Variants in NDRG1 observed in about 807,000 individuals in gnomAD.
The protein encoded by NDRG1 is N-myc downstream regulated 1, also known as protein NDRG1.
A neutral mutation model predicts 56.9 loss-of-function variants in NDRG1; 32 were observed. The observed-to-expected ratio is 0.56, with a 90% CI of 0.42 to 0.76. NDRG1 has a LOEUF of 0.76. Among genes scored for constraint, NDRG1 ranks in the 30% least tolerant of loss-of-function variants. The pLI is 0.00. For synonymous variants in NDRG1, 211 were observed against 204.1 expected (o/e 1.03, Z -0.29); for missense variants, 507 against 545.7 (o/e 0.93, Z 0.71).
intron 13 of NDRG1, among the ~76,000 whole-genome samples, chr8:133,245,122 T>C (rs1855599956): frequency 6.6e-6 from 1 of 152,164 alleles, no homozygotes; most frequent in Non-Finnish European, 1.5e-5. Flanking sequence ...GACACTGACC[T>C]GGGGCAGCCC....
intron 3 of NDRG1, among the ~76,000 whole-genome samples, chr8:133,265,479 T>C (rs1478280279): frequency 1.3e-5 from 2 of 152,182 alleles, no homozygotes; most frequent in Non-Finnish European, 2.9e-5. Context: ...TCCAATCCCA[T>C]GTAAGCCATG....
intron 10 of NDRG1, chr8:133,249,622 C>G (rs763118596): frequency 1.3e-5 from 2 of 153,174 alleles, no homozygotes; most frequent in African/African-American, 2.4e-5. Flanking sequence ...AGCGCCCAGC[C>G]GAATGCCTGA....
In NDRG1 at chr8:133,296,891, G is replaced by A. The variant is rs10108354; in HGVS notation, c.-19+243C>T. On this transcript the variant is annotated intron_variant, in intron 1 of 15. Coordinates refer to ENST00000323851, the MANE Select transcript of NDRG1 (RefSeq NM_006096.4). ...AGAACCCCAATCCCCAGCTAGGGGG[G>A]AGATGAATGGGACCCTGTCTTTTTT... The A allele has an allele frequency of 0.098, 20,689 of 212,098 alleles. 1,336 individuals are homozygous for A. The highest frequency in any genetic ancestry group is 0.17 in the African/African-American group (7,488 of 42,836). The allele number at this position is 212,098 out of a possible 1,614,324, so 13.1% of individuals were successfully genotyped here.
chr8:133,273,379 C>T (rs1477163068), intron 3 of NDRG1, among the ~76,000 whole-genome samples: 1 of 152,186 alleles, frequency 6.6e-6, no homozygotes, highest in Non-Finnish European at 1.5e-5. Context: ...TGGCTCCAGA[C>T]GTGTGGATTG....
rs193015656 is a variant in NDRG1, at chr8:133,269,209, C to A, written c.100-4557G>T. Among the ~76,000 whole-genome samples, 541 of 152,244 alleles carry A rather than the reference C, an allele frequency of 3.6e-3. 11 individuals are homozygous for A. Among genetic ancestry groups the A allele is most frequent in the Admixed American group, 0.034 (513 of 15,290 alleles). On this transcript the variant is annotated intron_variant, in intron 3 of 15. Coordinates refer to ENST00000323851, the MANE Select transcript of NDRG1 (RefSeq NM_006096.4). Reference sequence around the variant, plus strand: ...CTGTCTCGAAGCTCATGAGGGACCCCCCAACTTCTGGCTGGGACAAGGCTG... The same window carrying A: ...CTGTCTCGAAGCTCATGAGGGACCCACCAACTTCTGGCTGGGACAAGGCTG...
chr8:133,256,632 G>A, intron 8 of NDRG1, 145 bp downstream of exon 8: 1 of 750,562 alleles, frequency 1.3e-6, no homozygotes, highest in Non-Finnish European at 2.3e-6. Flanking sequence ...AAGTAAAGCA[G>A]AGGGAACTGG....
At chr8:133,295,524 C>T (rs916653725) in intron 1 of NDRG1, among the ~76,000 whole-genome samples, 8 of 152,234 alleles carry the variant, frequency 5.3e-5, no homozygotes, top group African/African-American at 1.7e-4. Context: ...CGTCTCCAGC[C>T]GTGTGTCTTC....
In NDRG1 at chr8:133,244,634, A is replaced by G. The variant is rs55949956; in HGVS notation, c.856-244T>C. 64,179 of 601,180 alleles carry G rather than the reference A, an allele frequency of 0.11. 3,914 individuals carry two copies. Among genetic ancestry groups the G allele is most frequent in the Middle Eastern group, 0.15 (337 of 2,242 alleles). 37.2% of individuals were successfully genotyped at this position (601,180 alleles called of 1,614,324 possible). On this transcript the variant is annotated intron_variant, in intron 13 of 15. Transcript: ENST00000323851. ...CGTGCCAGGCACTATGCTAGGCCCT[A>G]CAGATAATTTCACTCCATTCCCCAA...
intron 3 of NDRG1, among the ~76,000 whole-genome samples, chr8:133,272,724 C>T (rs967590522): frequency 6.6e-6 from 1 of 152,082 alleles, no homozygotes; most frequent in Admixed American, 6.5e-5. Context: ...TCCAGATGAG[C>T]GTTCCTGCCA....
At chr8:133,296,063 T>C (rs1401611197) in intron 1 of NDRG1, among the ~76,000 whole-genome samples, 1 of 152,002 alleles carries the variant, frequency 6.6e-6, no homozygotes, top group Non-Finnish European at 1.5e-5. Context: ...AAATCCCAGC[T>C]CCAGCTACTA....
At chr8:133,263,714 G>A (rs1363168527) in intron 4 of NDRG1, among the ~76,000 whole-genome samples, 1 of 152,064 alleles carries the variant, frequency 6.6e-6, no homozygotes, top group Non-Finnish European at 1.5e-5. Context: ...TCAGGAGTTC[G>A]AGGTCAGCCT....
chr8:133,292,006 A>G (rs1858456683), intron 1 of NDRG1, among the ~76,000 whole-genome samples: 1 of 152,018 alleles, frequency 6.6e-6, no homozygotes, highest in Non-Finnish European at 1.5e-5. Context: ...TCTGCAATAC[A>G]ACCGAGATCT....
intron 3 of NDRG1, among the ~76,000 whole-genome samples, chr8:133,279,551 C>T (rs1380691037): frequency 1.3e-5 from 2 of 152,238 alleles, no homozygotes; most frequent in Non-Finnish European, 2.9e-5. Context: ...CTCTGGCTCT[C>T]TGGCTGGTCC....
intron 1 of NDRG1, among the ~76,000 whole-genome samples, chr8:133,291,833 A>G (rs1858446780): frequency 6.6e-6 from 1 of 152,310 alleles, no homozygotes; most frequent in Middle Eastern, 3.4e-3. Context: ...AAACAAGCCA[A>G]AGCCGCATTC....
intron 1 of NDRG1, among the ~76,000 whole-genome samples, chr8:133,285,695 C>G (rs1858072119): frequency 6.6e-6 from 1 of 152,176 alleles, no homozygotes; most frequent in Admixed American, 6.5e-5. Flanking sequence ...TGGTCTGGGG[C>G]CCCAGCATGA....
At chr8:133,252,670 G>A (rs1169685821) in intron 9 of NDRG1, among the ~76,000 whole-genome samples, 7 of 139,340 alleles carry the variant, frequency 5.0e-5, no homozygotes, top group African/African-American at 8.1e-5. Context: ...TGGGGCCTCT[G>A]TTCCCCTGGT....
intron 1 of NDRG1, chr8:133,296,914 T>C: frequency 5.3e-6 from 1 of 188,450 alleles, no homozygotes; most frequent in Middle Eastern, 2.2e-3. Flanking sequence ...CCCTGTCTTT[T>C]TTTCCTCCCT....
intron 9 of NDRG1, among the ~76,000 whole-genome samples, chr8:133,251,356 A>G (rs963680670): frequency 6.6e-5 from 10 of 152,240 alleles, no homozygotes; most frequent in African/African-American, 2.4e-4. Flanking sequence ...GAGCTGCATC[A>G]AACAGTCCAG....
chr8:133,260,593 A>G (rs1372984912), intron 5 of NDRG1, among the ~76,000 whole-genome samples: 2 of 152,160 alleles, frequency 1.3e-5, no homozygotes, highest in African/African-American at 4.8e-5. Context: ...CTTTCACACA[A>G]CTGGTCCAAC....
Sources: gnomAD v4.1 joint callset for allele counts (sites outside exome capture counted in the v4.1 genomes callset) on GRCh38, gnomAD v4.1.1 for gene constraint, MANE v1.5 for transcripts, NCBI Gene and HGNC (gene_info 2026-07-23, HGNC 2026-07-21) for gene names.